The following ATP2B2 variants were observed in gnomAD, a reference collection of about 807,000 sequenced individuals.
ATP2B2 encodes ATPase plasma membrane Ca2+ transporting 2.
In ATP2B2, 15 loss-of-function variants were observed where a neutral mutation model predicts 120.0. The ratio of observed to expected loss-of-function variants is 0.12; its 90% confidence interval spans 0.08 to 0.19. The LOEUF (loss-of-function observed/expected upper bound fraction) is 0.19, where lower values mean the gene tolerates loss of function less well. Among genes scored for constraint, ATP2B2 ranks in the 10% least tolerant of loss-of-function variants. The pLI is 1.00. For missense variants in ATP2B2, 1,045 were observed against 1,719.8 expected, an observed-to-expected ratio of 0.61 and a Z score of 6.94; for synonymous variants, 694 against 700.3, an observed-to-expected ratio of 0.99 and a Z score of 0.14.
At chr3:10,696,437 G>T (rs2071742652) in intron 1 of ATP2B2, among the ~76,000 whole-genome samples, 1 of 152,180 alleles carries the variant, frequency 6.6e-6, no homozygotes, top group African/African-American at 2.4e-5. Context: ...GCGAGGGCAG[G>T]TGTCAGATGC....
At chr3:10,493,858 T>C (rs2066032235) in intron 1 of ATP2B2, among the ~76,000 whole-genome samples, 2 of 151,934 alleles carry the variant, frequency 1.3e-5, no homozygotes, top group Admixed American at 6.6e-5. Flanking sequence ...GGGGAGACCC[T>C]TAGGTGGGGG....
chr3:10,378,432 C>G, intron 9 of ATP2B2, 22 bp from the exon 10 acceptor site: 1 of 1,599,562 alleles, frequency 6.3e-7, no homozygotes, highest in Non-Finnish European at 8.5e-7. Flanking sequence ...AGATCACGCA[C>G]GTGCATACAC....
chr3:10,449,303 C>T (rs769442274), intron 2 of ATP2B2, 42 bp downstream of exon 2: 3 of 1,609,104 alleles, frequency 1.9e-6, no homozygotes, highest in Non-Finnish European at 2.6e-6. Context: ...CAGATGGTGG[C>T]CACCTAGGCT....
rs562104522 is a variant in ATP2B2, at chr3:10,415,546, G to A, written c.200-4731C>T. Among the ~76,000 whole-genome samples, 146 of 152,260 alleles carry A rather than the reference G, an allele frequency of 9.6e-4. No individual in the cohort carries two copies. The Middle Eastern group carries it at 0.02, about 21-fold the overall frequency. On this transcript the variant is annotated intron_variant, in intron 2 of 22. Coordinates refer to ENST00000360273, the MANE Select transcript of ATP2B2 (RefSeq NM_001001331.4). Reference sequence around the variant, plus strand: ...CTGGTACTTGGTATCCAAAGACAGGGGTTTTGAGGACCTGCAGGTGGAACA... The same window carrying A: ...CTGGTACTTGGTATCCAAAGACAGGAGTTTTGAGGACCTGCAGGTGGAACA...
intron 2 of ATP2B2, among the ~76,000 whole-genome samples, chr3:10,559,992 C>T (rs1220779397): frequency 6.6e-6 from 1 of 152,236 alleles, no homozygotes; most frequent in South Asian, 2.1e-4. Flanking sequence ...GCTGCCAACA[C>T]GAAAGATGCT....
chr3:10,362,471 A>T (rs1233592555), intron 12 of ATP2B2, among the ~76,000 whole-genome samples: 1 of 152,230 alleles, frequency 6.6e-6, no homozygotes. Flanking sequence ...AGAGCCTTTG[A>T]ACCTAAACCA....
intron 1 of ATP2B2, among the ~76,000 whole-genome samples, chr3:10,504,756 A>G (rs1308256295): frequency 6.6e-6 from 1 of 152,022 alleles, no homozygotes; most frequent in Non-Finnish European, 1.5e-5. Flanking sequence ...TCAGCTGGAG[A>G]CCACTGAGGC....
At chr3:10,501,738 T>G (rs1161188456) in intron 1 of ATP2B2, among the ~76,000 whole-genome samples, 2 of 152,094 alleles carry the variant, frequency 1.3e-5, no homozygotes, top group African/African-American at 4.8e-5. Flanking sequence ...TTCAGTCTCA[T>G]TCAGTCACCC....
chr3:10,383,307 T>C (rs907226601), intron 8 of ATP2B2, among the ~76,000 whole-genome samples: 6 of 152,128 alleles, frequency 3.9e-5, no homozygotes, highest in African/African-American at 1.4e-4. Flanking sequence ...AGGAAAGGTC[T>C]TGCAGTCAAA....
chr3:10,396,627 G>T (rs1253628338), intron 5 of ATP2B2, among the ~76,000 whole-genome samples: 2 of 151,992 alleles, frequency 1.3e-5, no homozygotes, highest in Non-Finnish European at 2.9e-5. Context: ...TGTTATGCAG[G>T]GAGTTCAGAA....
chr3:10,340,166 G>C lies in ATP2B2; in HGVS notation c.3237+76C>G, dbSNP rs2060233668. On this transcript the variant is annotated intron_variant, in intron 21 of 22. Transcript: ENST00000360273. The surrounding 1 kb of genome is among the most constrained non-coding windows in gnomAD (Gnocchi z 5.0). ...TGGGGTCTGGCAGCCCATTCCTGGG[G>C]GTCCTGGATTCTCCATCCAGTGCTG... 3 of 1,410,992 alleles carry C rather than the reference G, an allele frequency of 2.1e-6. No individual in the cohort carries two copies. In the East Asian group the frequency reaches 6.9e-5, roughly 32 times the overall value. The allele number at this position is 1,410,992 out of a possible 1,614,324, so 87.4% of individuals were successfully genotyped here.
chr3:10,357,088 G>C (rs1176880651), intron 14 of ATP2B2, among the ~76,000 whole-genome samples: 1 of 152,146 alleles, frequency 6.6e-6, no homozygotes, highest in East Asian at 1.9e-4. Context: ...ACCTTTGGCA[G>C]GCTAGGCTGT....
intron 2 of ATP2B2, among the ~76,000 whole-genome samples, chr3:10,441,598 C>T (rs916977438): frequency 6.6e-6 from 1 of 152,228 alleles, no homozygotes; most frequent in Non-Finnish European, 1.5e-5. Flanking sequence ...TGAAGGCCGG[C>T]CCTGTCCCCA....
intron 8 of ATP2B2, among the ~76,000 whole-genome samples, chr3:10,382,198 T>A (rs2061549579): frequency 2.6e-5 from 1 of 38,714 alleles, no homozygotes; most frequent in Non-Finnish European, 4.0e-5. Flanking sequence ...GCTAATTAAA[T>A]TTTTTTTTTT....
At chr3:10,564,325 G>A (rs1273458227) in intron 2 of ATP2B2, among the ~76,000 whole-genome samples, 1 of 152,142 alleles carries the variant, frequency 6.6e-6, no homozygotes, top group East Asian at 1.9e-4. Context: ...TCTTCTGTTT[G>A]AAATACCTGG....
chr3:10,501,398 T>TC (rs1292971637), intron 1 of ATP2B2, among the ~76,000 whole-genome samples: 1 of 136,274 alleles, frequency 7.3e-6, no homozygotes, highest in Non-Finnish European at 1.5e-5. Flanking sequence ...TGAGACAGGG[T>TC]CTCGCTCTGT....
At chr3:10,395,852 AGCT>A (rs1288149927) in intron 5 of ATP2B2, among the ~76,000 whole-genome samples, 1 of 152,240 alleles carries the variant, frequency 6.6e-6, no homozygotes, top group Non-Finnish European at 1.5e-5. Flanking sequence ...AACAGGAAGC[AGCT>A]GTGGTTTGGG....
chr3:10,663,555 C>T (rs931551958), intron 1 of ATP2B2, among the ~76,000 whole-genome samples: 16 of 152,130 alleles, frequency 1.1e-4, no homozygotes, highest in African/African-American at 2.7e-4. Flanking sequence ...TAAGGGGCCC[C>T]GCACCAGAGT....
At chr3:10,475,541 A>G (rs2065173670) in intron 1 of ATP2B2, among the ~76,000 whole-genome samples, 2 of 152,170 alleles carry the variant, frequency 1.3e-5, no homozygotes, top group South Asian at 4.1e-4. Context: ...CAGCTCTACT[A>G]CTTGCCACAT....
Sources: allele counts gnomAD v4.1 joint callset (sites outside exome capture counted in the v4.1 genomes callset), GRCh38; gene constraint gnomAD v4.1.1; non-coding constraint Gnocchi (gnomAD v3.1); transcripts MANE v1.5; gene names NCBI Gene and HGNC (gene_info 2026-07-23, HGNC 2026-07-21).